Variants in BBS9 observed in about 807,000 individuals in gnomAD.
The protein encoded by BBS9 is Bardet-Biedl syndrome 9.
Under a neutral mutation model 117.7 loss-of-function variants are expected in BBS9, and 89 were observed. The ratio of observed to expected loss-of-function variants is 0.76; its 90% CI spans 0.64 to 0.90. The LOEUF (loss-of-function observed/expected upper bound fraction) is 0.90, where lower values mean the gene tolerates loss of function less well. Among genes scored for constraint, BBS9 ranks in the 40% least tolerant of loss-of-function variants. The pLI, the probability that BBS9 is intolerant of heterozygous loss-of-function variation, is 0.00. For synonymous variants in BBS9, 379 were observed against 370.9 expected (o/e 1.02, Z -0.25); for missense variants, 982 against 1,042.2 (o/e 0.94, Z 0.80).
intron 19 of BBS9, among the ~76,000 whole-genome samples, chr7:33,444,281 T>C (rs755779718): frequency 6.6e-6 from 1 of 152,216 alleles, no homozygotes; most frequent in African/African-American, 2.4e-5. Flanking sequence ...TGTTTCTTTA[T>C]TGTCAGTTTT....
chr7:33,177,498 C>T lies in BBS9; in HGVS notation c.349C>T (p.His117Tyr), dbSNP rs780063415. ...SVSGTLGNVE[H>Y]GNQCQMKLMY... ...CTTAGGAACCTTGGGTAATGTGGAA[C>T]ATGGGAACCAATGTCAGATGAAATT... The change falls in exon 5 of 23, where the codon CAT (histidine) becomes TAT (tyrosine). Residue 117 changes from histidine (H) to tyrosine (Y), a missense_variant. His to Tyr is a moderately conservative substitution (Grantham distance 83, BLOSUM62 2). Coordinates refer to ENST00000242067, the MANE Select transcript of BBS9 (RefSeq NM_198428.3). 22 of 1,608,248 alleles carry T rather than the reference C, an allele frequency of 1.4e-5. No homozygotes were observed. The Admixed American group carries it at 3.0e-4, about 22-fold the overall frequency.
At chr7:33,511,432 A>G (rs927963101) in intron 20 of BBS9, among the ~76,000 whole-genome samples, 4 of 152,150 alleles carry the variant, frequency 2.6e-5, no homozygotes, top group Middle Eastern at 3.2e-3. Context: ...TGGTTTGGGG[A>G]CCTGATTGCA....
At chr7:33,270,214 A>G (rs1210477589) in intron 7 of BBS9, among the ~76,000 whole-genome samples, 1 of 152,086 alleles carries the variant, frequency 6.6e-6, no homozygotes, top group Non-Finnish European at 1.5e-5. Context: ...TACTGACTAT[A>G]CTCAATTTAC....
In BBS9 at chr7:33,606,009, C is replaced by CTA. The variant is rs1864532024; in HGVS notation, c.*783_*784insTA. On this transcript the variant is annotated 3_prime_UTR_variant, in exon 23 of 23. Coordinates refer to ENST00000242067, the MANE Select transcript of BBS9 (RefSeq NM_198428.3). Reference sequence around the variant, plus strand: ...GAAGTGAAAGAAACTTTGCTAATTTCAAGTTCGAATTACAGTTGTGAGATT... The same window carrying CTA: ...GAAGTGAAAGAAACTTTGCTAATTTCTAAAGTTCGAATTACAGTTGTGAGATT... 2 of 150,014 alleles carry CTA rather than the reference C, an allele frequency of 1.3e-5. No homozygotes were observed. 9.3% of individuals were successfully genotyped at this position (150,014 alleles called of 1,614,324 possible). A position where few individuals can be genotyped will look rare whatever the true frequency, so the allele number is the denominator to read the frequency against.
intron 9 of BBS9, among the ~76,000 whole-genome samples, chr7:33,298,716 A>T (rs146947454): frequency 2.0e-5 from 3 of 152,224 alleles, no homozygotes; most frequent in African/African-American, 7.2e-5. Flanking sequence ...TGCTTGCTGG[A>T]TTGCAACAAG....
chr7:33,558,183 T>C (rs1270251790), intron 21 of BBS9, among the ~76,000 whole-genome samples: 1 of 152,128 alleles, frequency 6.6e-6, no homozygotes, highest in African/African-American at 2.4e-5. Flanking sequence ...GGGAACAAAA[T>C]AGACAAAGTC....
intron 7 of BBS9, among the ~76,000 whole-genome samples, chr7:33,266,632 GT>G (rs1328851132): frequency 1.4e-4 from 21 of 151,988 alleles, no homozygotes; most frequent in Non-Finnish European, 3.1e-4. Flanking sequence ...ATCCTTATTA[GT>G]TTTTTTACTA....
intron 21 of BBS9, among the ~76,000 whole-genome samples, chr7:33,576,332 A>G (rs1045415617): frequency 3.3e-5 from 5 of 152,218 alleles, no homozygotes; most frequent in Non-Finnish European, 7.3e-5. Flanking sequence ...TAAAATACCT[A>G]GGAATCCAAC....
chr7:33,259,562 A>G (rs997752229), intron 6 of BBS9, among the ~76,000 whole-genome samples: 2 of 151,366 alleles, frequency 1.3e-5, no homozygotes, highest in African/African-American at 2.4e-5. Context: ...TTTAATAGAG[A>G]CGGGGTCTCA....
intron 21 of BBS9, among the ~76,000 whole-genome samples, chr7:33,570,873 T>C (rs933094531): frequency 1.3e-5 from 2 of 152,150 alleles, no homozygotes; most frequent in Non-Finnish European, 2.9e-5. Context: ...GTCAGTATGC[T>C]TCAGGAGTGC....
intron 11 of BBS9, among the ~76,000 whole-genome samples, chr7:33,342,533 A>T (rs1349252323): frequency 6.6e-6 from 1 of 152,102 alleles, no homozygotes; most frequent in African/African-American, 2.4e-5. Context: ...CTGTGTTATA[A>T]TGTATATTTC....
chr7:33,471,786 A>C (rs1381275501), intron 19 of BBS9, among the ~76,000 whole-genome samples: 1 of 152,210 alleles, frequency 6.6e-6, no homozygotes, highest in Non-Finnish European at 1.5e-5. Context: ...AAACCAGAGC[A>C]ACAGAACCAT....
At chr7:33,478,687 G>T (rs898849202) in intron 19 of BBS9, among the ~76,000 whole-genome samples, 12 of 151,990 alleles carry the variant, frequency 7.9e-5, no homozygotes, top group African/African-American at 2.9e-4. Context: ...TACTTGAGAG[G>T]TGGTGCCAGG....
chr7:33,483,676 G>A (rs1291209492), intron 19 of BBS9, among the ~76,000 whole-genome samples: 1 of 150,554 alleles, frequency 6.6e-6, no homozygotes, highest in Admixed American at 6.6e-5. Flanking sequence ...TCTATTGCCT[G>A]CTTCAGTGCA....
intron 19 of BBS9, among the ~76,000 whole-genome samples, chr7:33,437,090 C>G (rs1835408245): frequency 6.6e-6 from 1 of 152,172 alleles, no homozygotes; most frequent in Admixed American, 6.5e-5. Flanking sequence ...TTGGACCAGT[C>G]TTTTGGAATC....
At chr7:33,198,613 A>G (rs184752498) in intron 5 of BBS9, among the ~76,000 whole-genome samples, 2 of 151,996 alleles carry the variant, frequency 1.3e-5, no homozygotes, top group African/African-American at 4.8e-5. Context: ...TTTTGCTTTC[A>G]TTATATATCT....
At chr7:33,188,129 T>G (rs944892351) in intron 5 of BBS9, among the ~76,000 whole-genome samples, 629 of 3,344 alleles carry the variant, frequency 0.19, no homozygotes, top group African/African-American at 0.22. Context: ...GGGGGTGGGG[T>G]AGGGTGGGGG....
chr7:33,594,908 C>T (rs1862485211), intron 21 of BBS9, among the ~76,000 whole-genome samples: 1 of 152,042 alleles, frequency 6.6e-6, no homozygotes, highest in South Asian at 2.1e-4. Flanking sequence ...CACACATCTA[C>T]AACCATTTCA....
At chr7:33,393,419 T>C (rs775872259) in intron 19 of BBS9, among the ~76,000 whole-genome samples, 1 of 152,206 alleles carries the variant, frequency 6.6e-6, no homozygotes, top group Non-Finnish European at 1.5e-5. Flanking sequence ...TTTAATGCTC[T>C]ATAGTAGCCA....
Sources: allele counts gnomAD v4.1 joint callset (sites outside exome capture counted in the v4.1 genomes callset), GRCh38; gene constraint gnomAD v4.1.1; transcripts MANE v1.5; gene names NCBI Gene and HGNC (gene_info 2026-07-23, HGNC 2026-07-21).